Variants in NCOA3 observed in about 807,000 individuals in gnomAD.
NCOA3 encodes the protein nuclear receptor coactivator 3.
A neutral mutation model predicts 158.8 loss-of-function variants in NCOA3; 51 were observed. The observed-to-expected ratio is 0.32, with a 90% confidence interval of 0.26 to 0.41. The LOEUF (loss-of-function observed/expected upper bound fraction) is 0.41. NCOA3 is among the 10% of genes least tolerant of loss of function. The probability of loss-of-function intolerance (pLI) is 1.00; values close to 1 mark genes in which losing one functional copy is unlikely to be tolerated. For missense variants in NCOA3, 1,510 were observed against 1,746.6 expected (o/e 0.86, Z 2.41); for synonymous variants, 537 against 592.4 (o/e 0.91, Z 1.36).
intron 1 of NCOA3, among the ~76,000 whole-genome samples, chr20:47,549,694 ATTC>A (rs1384051414): frequency 4.6e-5 from 7 of 151,986 alleles, no homozygotes; most frequent in African/African-American, 1.2e-4. Context: ...GTTCTCTTAA[ATTC>A]TTCTTCTTTC....
chr20:47,521,700 A>G (rs1212275603), intron 1 of NCOA3, among the ~76,000 whole-genome samples: 4 of 152,204 alleles, frequency 2.6e-5, no homozygotes, highest in Non-Finnish European at 4.4e-5. Context: ...TCTACAGGGA[A>G]GTTAAGTTTA....
rs140560637 is a variant in NCOA3, at chr20:47,543,433, C to T, written c.-98-39750C>T. Among the ~76,000 whole-genome samples, 686 of 152,204 alleles carry T rather than the reference C, an allele frequency of 4.5e-3. 3 individuals are homozygous for T. The highest frequency in any genetic ancestry group is 0.016 in the African/African-American group (657 of 41,540). ...AGGGAGTGTGGTTTATCAGAAGACA[C>T]ATGACGTCTGTTTTTCTTTGAGTTG... On this transcript the variant is annotated intron_variant, in intron 1 of 22. Coordinates refer to ENST00000371998, the MANE Select transcript of NCOA3 (RefSeq NM_181659.3).
At position 47,653,012 on chromosome 20, in the gene NCOA3, C is replaced by T; in HGVS notation, c.4203C>T (p.His1401=). 1 of 1,614,216 alleles carries T rather than the reference C, an allele frequency of 6.2e-7. No homozygotes were observed. Reference sequence around the variant, plus strand: ...TGCACATGAATGGCAGCAGTGGTCACATGGGACAGATGAACATGAACCCCA... The same window carrying T: ...TGCACATGAATGGCAGCAGTGGTCATATGGGACAGATGAACATGAACCCCA... ...SMVHMNGSSG[H]MGQMNMNPMP... Residue 1401 remains histidine (H), a synonymous_variant, in exon 22 of 23, where the codon CAC becomes CAT. Transcript: ENST00000371998.
rs146738371 is a variant in NCOA3, at chr20:47,639,940, C to A, written c.2969C>A (p.Pro990His). 49 of 1,614,018 alleles carry A rather than the reference C, an allele frequency of 3.0e-5. No homozygotes were observed. The highest frequency in any genetic ancestry group is 4.0e-5 in the Non-Finnish European group (47 of 1,180,040). ...QMLQMRPGEI[P>H]MGMGANPYGQ... ...GCTCCCCCAGGGCCTGGTGAAATCCCCATGGGAATGGGGGCTAATCCCTAT... is the reference window on the plus strand; with the variant it reads ...GCTCCCCCAGGGCCTGGTGAAATCCACATGGGAATGGGGGCTAATCCCTAT... The change falls in exon 16 of 23, where the codon CCC (proline) becomes CAC (histidine). Residue 990 changes from proline to histidine, a missense_variant. Pro to His is a moderately conservative substitution (Grantham distance 77). Around this residue, in one of 4 missense-constraint regions of NCOA3, gnomAD observed 1,017 missense variants for 1,098.3 expected, o/e 0.93. Transcript: ENST00000371998.
chr20:47,570,719 A>T (rs2085277216), intron 1 of NCOA3, among the ~76,000 whole-genome samples: 2 of 152,066 alleles, frequency 1.3e-5, no homozygotes, highest in Admixed American at 1.3e-4. Context: ...AGAAAGATTC[A>T]CTTTGCCCAT....
chr20:47,635,560 C>T lies in NCOA3; in HGVS notation c.1351C>T (p.Pro451Ser), dbSNP rs1398869245. ...GACCCCTGGGCCAGGCATGCAATCA[C>T]CATCTTCCTACCAGAACAACAACTA... Reference protein sequence around the residue: ...SLTPGPGMQSPSSYQNNNYGL... With the variant: ...SLTPGPGMQSSSSYQNNNYGL... Residue 451 changes from proline to serine, a missense_variant, in exon 11 of 23, where the codon CCA (proline) becomes TCA (serine). Physicochemically the swap from Pro to Ser is moderately conservative, Grantham distance 74. This residue lies in a region of NCOA3 where 1,017 missense variants were observed against 1,098.3 expected (regional missense o/e 0.93). Coordinates refer to ENST00000371998, the MANE Select transcript of NCOA3 (RefSeq NM_181659.3). 3 of 1,614,106 alleles carry T rather than the reference C, an allele frequency of 1.9e-6. No homozygotes were observed. Among genetic ancestry groups the T allele is most frequent in the Admixed American group, 3.3e-5 (2 of 59,992 alleles).
chr20:47,544,011 T>A (rs892523502), intron 1 of NCOA3, among the ~76,000 whole-genome samples: 14 of 152,298 alleles, frequency 9.2e-5, no homozygotes, highest in African/African-American at 3.4e-4. Flanking sequence ...CTTTTGGGAA[T>A]GTTGCAAAAA....
intron 1 of NCOA3, among the ~76,000 whole-genome samples, chr20:47,524,932 AT>A (rs1164857518): frequency 6.6e-6 from 1 of 151,600 alleles, no homozygotes; most frequent in East Asian, 1.9e-4. Flanking sequence ...TTATTTATTT[AT>A]TTTTTTCTTT....
intron 1 of NCOA3, among the ~76,000 whole-genome samples, chr20:47,525,456 C>T (rs866538839): frequency 2.1e-3 from 322 of 151,108 alleles, no homozygotes; most frequent in Admixed American, 4.3e-3. Flanking sequence ...GGGTACACCT[C>T]CCAGACGGGG....
chr20:47,570,173 T>C (rs560600832), intron 1 of NCOA3, among the ~76,000 whole-genome samples: 4 of 152,274 alleles, frequency 2.6e-5, no homozygotes, highest in African/African-American at 9.6e-5. Context: ...AAGCAACTCC[T>C]TAAGGCTGGG....
intron 2 of NCOA3, among the ~76,000 whole-genome samples, chr20:47,620,417 GA>G (rs1170891529): frequency 6.6e-6 from 1 of 152,154 alleles, no homozygotes; most frequent in Admixed American, 6.5e-5. Flanking sequence ...ATGAAAATTG[GA>G]AAATCAAAAC....
chr20:47,639,093 A>T lies in NCOA3; in HGVS notation c.2598A>T (p.Ser866=). The change falls in exon 14 of 23, where the codon TCA becomes TCT. Residue 866 remains serine (S), a synonymous_variant. Coordinates refer to ENST00000371998, the MANE Select transcript of NCOA3 (RefSeq NM_181659.3). ...TGGATAGCCCTGTTTCTGTTGGCTCAAGTCCTCCAGTAAAAAATATCAGTG... is the reference window on the plus strand; with the variant it reads ...TGGATAGCCCTGTTTCTGTTGGCTCTAGTCCTCCAGTAAAAAATATCAGTG... ...VSLDSPVSVG[S]SPPVKNISAF... 1.2e-6 allele frequency: 2 copies of T among 1,614,200 alleles called. No homozygotes were observed. The highest frequency in any genetic ancestry group is 8.5e-7 in the Non-Finnish European group (1 of 1,180,024).
At chr20:47,534,266 T>TAA (rs11476485) in intron 1 of NCOA3, among the ~76,000 whole-genome samples, 3 of 140,730 alleles carry the variant, frequency 2.1e-5, no homozygotes, top group Non-Finnish European at 4.7e-5. Flanking sequence ...TGGGATTCTT[T>TAA]AAAAAAAAAA....
chr20:47,588,399 T>A (rs576800229), intron 2 of NCOA3, among the ~76,000 whole-genome samples: 195 of 150,542 alleles, frequency 1.3e-3, no homozygotes, highest in Non-Finnish European at 2.5e-3. Context: ...CCTCCCAAGG[T>A]GCTGGGATTA....
At chr20:47,615,828 G>A (rs1817505270) in intron 2 of NCOA3, among the ~76,000 whole-genome samples, 1 of 152,130 alleles carries the variant, frequency 6.6e-6, no homozygotes, top group South Asian at 2.1e-4. Flanking sequence ...GATTTTGATA[G>A]CATTGAAAGG....
rs762761891 is a variant in NCOA3, at chr20:47,522,503, A to AG, written c.-99+20490dup. On this transcript the variant is annotated intron_variant, in intron 1 of 22. Transcript: ENST00000371998. Reference sequence around the variant, plus strand: ...AGCTCCCCCATACAGAGACAGAAGGAGGGGGGCTCCAAAACCAAAAGAGGA... The same window carrying AG: ...AGCTCCCCCATACAGAGACAGAAGGAGGGGGGGCTCCAAAACCAAAAGAGGA... Among the ~76,000 whole-genome samples the AG allele has an allele frequency of 8.7e-5, 13 of 150,162 alleles. No homozygotes were observed. The East Asian group carries it at 1.8e-3, about 20-fold the overall frequency.
At chr20:47,567,609 G>T (rs954660321) in intron 1 of NCOA3, among the ~76,000 whole-genome samples, 1 of 151,182 alleles carries the variant, frequency 6.6e-6, no homozygotes, top group Non-Finnish European at 1.5e-5. Flanking sequence ...CATTGTTGTT[G>T]CCCAGACTGG....
chr20:47,511,558 T>TATATATATACACACA (rs1569310957), intron 1 of NCOA3, among the ~76,000 whole-genome samples: 2 of 31,918 alleles, frequency 6.3e-5, no homozygotes, highest in South Asian at 1.4e-3. Context: ...TATATATATT[T>TATATATATACACACA]CTTTTTTTTT....
At chr20:47,649,253 T>A in intron 19 of NCOA3, 144 bp downstream of exon 19, 1 of 530,782 alleles carries the variant, frequency 1.9e-6, no homozygotes, top group Non-Finnish European at 3.3e-6. Context: ...TTAAAGACTT[T>A]CGACTCTTCC....
Sources: gnomAD v4.1 joint callset for allele counts (sites outside exome capture counted in the v4.1 genomes callset) on GRCh38, gnomAD v4.1.1 for gene constraint, gnomAD v4.1.1 regional missense constraint, MANE v1.5 for transcripts, NCBI Gene and HGNC (gene_info 2026-07-23, HGNC 2026-07-21) for gene names.